The following SDK2 variants were observed in gnomAD, a reference collection of about 807,000 sequenced individuals.
SDK2 encodes the protein protein sidekick-2.
In SDK2, 105 loss-of-function variants were observed where a neutral mutation model predicts 253.9. The observed-to-expected ratio is 0.41, with a 90% confidence interval of 0.35 to 0.49. SDK2 has a LOEUF of 0.49. SDK2 is among the 20% of genes least tolerant of loss of function. The probability of loss-of-function intolerance (pLI) is 0.06; values close to 1 mark genes in which losing one functional copy is unlikely to be tolerated. For missense variants in SDK2, 2,608 were observed against 3,003.0 expected, an observed-to-expected ratio of 0.87 and a Z score of 3.07; for synonymous variants, 1,249 against 1,234.9, an observed-to-expected ratio of 1.01 and a Z score of -0.24.
chr17:73,495,565 G>A (rs1166669304), intron 2 of SDK2, among the ~76,000 whole-genome samples: 1 of 152,156 alleles, frequency 6.6e-6, no homozygotes, highest in Non-Finnish European at 1.5e-5. Context: ...TCCTCAAATA[G>A]TGATACCCCT....
chr17:73,423,587 G>T, intron 13 of SDK2, 65 bp from the exon 14 acceptor site: 1 of 1,448,482 alleles, frequency 6.9e-7, no homozygotes, highest in Non-Finnish European at 9.2e-7. Context: ...GGGGCGCTGT[G>T]GACACAGGTT....
intron 13 of SDK2, 57 bp downstream of exon 13, chr17:73,423,859 A>T: frequency 1.4e-6 from 2 of 1,408,304 alleles, no homozygotes; most frequent in Non-Finnish European, 1.9e-6. Flanking sequence ...GGCTCTGAGC[A>T]TGCCAGTTGC....
rs1314052840 is a variant in SDK2, at chr17:73,368,458, C to T, written c.5116G>A (p.Ala1706Thr). 3.1e-6 allele frequency: 5 copies of T among 1,604,488 alleles called. No individual in the cohort carries two copies. Among genetic ancestry groups the T allele is most frequent in the South Asian group, 1.1e-5 (1 of 89,330 alleles). The change falls in exon 37 of 45, where the codon GCT becomes ACT. Residue 1706 changes from alanine (A) to threonine (T), a missense_variant. Ala to Thr is a moderately conservative substitution (Grantham distance 58). Around this residue, in one of 2 missense-constraint regions of SDK2, gnomAD observed 1,103 missense variants for 1,143.9 expected, o/e 0.96. Coordinates refer to ENST00000392650, the MANE Select transcript of SDK2 (RefSeq NM_001144952.2). ...YMVSVAAFNA[A>T]GDGPRSTPTQ... is the part of the protein sequence containing the mutation. ...GGGGTGCTCCGAGGCCCATCCCCAGCGGCGTTGAAGGCGGCCACGCTGACC... is the reference window on the plus strand; with the variant it reads ...GGGGTGCTCCGAGGCCCATCCCCAGTGGCGTTGAAGGCGGCCACGCTGACC...
chr17:73,599,302 G>C (rs963009544), intron 1 of SDK2, among the ~76,000 whole-genome samples: 5 of 152,042 alleles, frequency 3.3e-5, no homozygotes, highest in African/African-American at 7.2e-5. Context: ...GAGGCCGAAG[G>C]GGGTGGATCA....
chr17:73,634,509 G>A (rs1423791884), intron 1 of SDK2, among the ~76,000 whole-genome samples: 1 of 152,218 alleles, frequency 6.6e-6, no homozygotes, highest in Non-Finnish European at 1.5e-5. Context: ...TTTATGGCAG[G>A]ATCCAATAAA....
chr17:73,408,007 G>A (rs1167297418), intron 18 of SDK2, among the ~76,000 whole-genome samples: 1 of 144,574 alleles, frequency 6.9e-6, no homozygotes, highest in African/African-American at 2.5e-5. Flanking sequence ...TGTGCTTTCT[G>A]ATCAAAATAC....
At chr17:73,483,952 A>T (rs1278877907) in intron 2 of SDK2, among the ~76,000 whole-genome samples, 1 of 151,748 alleles carries the variant, frequency 6.6e-6, no homozygotes, top group African/African-American at 2.4e-5. Context: ...AATGGCTGGG[A>T]AAAAAGAAAT....
At chr17:73,590,591 G>T (rs574987994) in intron 1 of SDK2, among the ~76,000 whole-genome samples, 1 of 152,214 alleles carries the variant, frequency 6.6e-6, no homozygotes, top group South Asian at 2.1e-4. Flanking sequence ...GAATGACCCT[G>T]GGTGGCAGAC....
chr17:73,516,937 T>C (rs991878006), intron 1 of SDK2: 1 of 152,116 alleles, frequency 6.6e-6, no homozygotes, highest in South Asian at 2.1e-4. Flanking sequence ...CCCCAGGGAA[T>C]CATAAGTGGG....
chr17:73,339,096 G>A (rs932227706), intron 44 of SDK2, among the ~76,000 whole-genome samples, 156 bp from the exon 45 acceptor site: 1 of 152,208 alleles, frequency 6.6e-6, no homozygotes, highest in Admixed American at 6.5e-5. Context: ...TGCCAAGGGG[G>A]TCTGGTGCCC....
chr17:73,586,537 G>A (rs1285052572), intron 1 of SDK2, among the ~76,000 whole-genome samples: 1 of 151,956 alleles, frequency 6.6e-6, no homozygotes, highest in Non-Finnish European at 1.5e-5. Flanking sequence ...AACATATGGA[G>A]CTCAAGTTGG....
At position 73,431,908 on chromosome 17, in the gene SDK2, C is replaced by T. The variant is rs2145609920; in HGVS notation, c.1313-239G>A. Among the ~76,000 whole-genome samples, 1 of 152,256 alleles carries T rather than the reference C, an allele frequency of 6.6e-6. No homozygotes were observed. Among genetic ancestry groups the T allele is most frequent in the Non-Finnish European group, 1.5e-5 (1 of 67,984 alleles). ...GAGCGGGCAGCCTAGAGCCCAGGTC[C>T]CCTGATGCTCCTGTGCCCGCCACAC... On this transcript the variant is annotated intron_variant, in intron 10 of 44. Coordinates refer to ENST00000392650, the MANE Select transcript of SDK2 (RefSeq NM_001144952.2). The surrounding 1 kb of genome is among the most constrained non-coding windows in gnomAD (Gnocchi z 5.6).
intron 36 of SDK2, among the ~76,000 whole-genome samples, chr17:73,370,818 CTT>C (rs918525891): frequency 2.0e-5 from 3 of 151,962 alleles, no homozygotes; most frequent in African/African-American, 7.2e-5. Context: ...AATCCTAGCA[CTT>C]GGGAAGCTGA....
chr17:73,344,476 T>G (rs994632976), intron 44 of SDK2, among the ~76,000 whole-genome samples: 2 of 152,186 alleles, frequency 1.3e-5, no homozygotes, highest in African/African-American at 4.8e-5. Context: ...GGCTCTAGAT[T>G]TGAATCCCAG....
chr17:73,423,365 A>C, intron 14 of SDK2, 21 bp downstream of exon 14: 5 of 1,417,024 alleles, frequency 3.5e-6, no homozygotes, highest in Non-Finnish European at 4.7e-6. Flanking sequence ...GAGGTGTTGG[A>C]GGTGACCACG....
At chr17:73,394,434 T>C in intron 25 of SDK2, 110 bp from the exon 26 acceptor site, 1 of 565,988 alleles carries the variant, frequency 1.8e-6, no homozygotes, top group Non-Finnish European at 2.9e-6. Flanking sequence ...ATGTTGCCTC[T>C]CTATGGAAGA....
intron 39 of SDK2, among the ~76,000 whole-genome samples, chr17:73,359,434 G>A (rs1163186245): frequency 6.6e-6 from 1 of 152,166 alleles, no homozygotes; most frequent in Non-Finnish European, 1.5e-5. Context: ...GTAACTGCGG[G>A]GTCAGGTGGG....
chr17:73,580,219 T>G (rs2045515727), intron 1 of SDK2, among the ~76,000 whole-genome samples: 2 of 152,204 alleles, frequency 1.3e-5, no homozygotes, highest in Non-Finnish European at 2.9e-5. Context: ...GGTTCTCCTT[T>G]CTGTTAGACA....
chr17:73,455,498 C>T lies in SDK2; in HGVS notation c.479+408G>A, dbSNP rs755127850. Among the ~76,000 whole-genome samples, 22 of 152,320 alleles carry T rather than the reference C, an allele frequency of 1.4e-4. No homozygotes were observed. Among genetic ancestry groups the T allele is most frequent in the Admixed American group, 3.9e-4 (6 of 15,306 alleles). ...CACCAGTAAACACCCTGCCAACGGA[C>T]GCGCCCAGGGCCTCCCGGCTGCCCA... On this transcript the variant is annotated intron_variant, in intron 4 of 44. Transcript: ENST00000392650. This position sits in a 1 kb window ranked among gnomAD's most constrained non-coding sequence, Gnocchi z 5.0.
Sources: gnomAD v4.1 joint callset for allele counts (sites outside exome capture counted in the v4.1 genomes callset) on GRCh38, gnomAD v4.1.1 for gene constraint, gnomAD v4.1.1 regional missense constraint, Gnocchi (gnomAD v3.1) non-coding constraint, MANE v1.5 for transcripts, NCBI Gene and HGNC (gene_info 2026-07-23, HGNC 2026-07-21) for gene names.